The following YIPF7 variants were observed in gnomAD, a reference collection of about 807,000 sequenced individuals.
The protein encoded by YIPF7 is protein YIPF7.
Under a neutral mutation model 27.2 loss-of-function variants are expected in YIPF7, and 35 were observed. That is an observed-to-expected ratio of 1.29 (90% CI 0.98 to 1.70). The LOEUF (loss-of-function observed/expected upper bound fraction) is 1.70, where lower values mean the gene tolerates loss of function less well. YIPF7 is among the 40% of genes most tolerant of loss of function. The pLI is 0.00. For synonymous variants in YIPF7, 137 were observed against 110.4 expected, an observed-to-expected ratio of 1.24 and a Z score of -1.51; for missense variants, 358 against 303.7, an observed-to-expected ratio of 1.18 and a Z score of -1.33.
At chr4:44,655,685 GAGA>G (rs1239704562), upstream of YIPF7, among the ~76,000 whole-genome samples, 1 of 152,022 alleles carries the variant, frequency 6.6e-6, no homozygotes, top group Non-Finnish European at 1.5e-5. Context: ...CATTAATTCA[GAGA>G]AGAATAGAAC....
upstream of YIPF7, among the ~76,000 whole-genome samples, chr4:44,654,787 T>C (rs1048015747): frequency 1.2e-4 from 19 of 152,010 alleles, no homozygotes; most frequent in Admixed American, 1.2e-3. Context: ...TAAATATATC[T>C]CTCACTAACC....
At chr4:44,627,478 C>T (rs780107301) in intron 4 of YIPF7, among the ~76,000 whole-genome samples, 18 of 152,022 alleles carry the variant, frequency 1.2e-4, no homozygotes, top group African/African-American at 4.1e-4. Context: ...CTGTGTCAGC[C>T]GGTAAAATCA....
intron 4 of YIPF7, among the ~76,000 whole-genome samples, chr4:44,626,795 T>A (rs11735925): frequency 0.37 from 44,121 of 120,266 alleles, 9,181 homozygotes; most frequent in East Asian, 0.52. Flanking sequence ...TTTTTTTTTG[T>A]GATGGAGTCT....
In YIPF7 at chr4:44,629,538, G is replaced by A; in HGVS notation, c.291C>T (p.Ile97=). 1 of 1,533,388 alleles carries A rather than the reference G, an allele frequency of 6.5e-7. No individual in the cohort carries two copies. The highest frequency in any genetic ancestry group is 8.8e-7 in the Non-Finnish European group (1 of 1,141,298). 95.0% of individuals were successfully genotyped at this position (1,533,388 alleles called of 1,614,324 possible). A position where few individuals can be genotyped will look rare whatever the true frequency, so the allele number is the denominator to read the frequency against. The change falls in exon 4 of 6, where the codon ATC becomes ATT. Residue 97 remains isoleucine, a synonymous_variant. Coordinates refer to ENST00000415895, the MANE Select transcript of YIPF7 (RefSeq NM_182592.3). Reference sequence around the variant, plus strand: ...TTTTTTGCCATATGTGATCAAAATGGATTCCAAGTTCTGTAAAAAGGAAAA... The same window carrying A: ...TTTTTTGCCATATGTGATCAAAATGAATTCCAAGTTCTGTAAAAAGGAAAA... ...EEPPLLEELG[I]HFDHIWQKTL... is the part of the protein sequence containing the mutation.
At chr4:44,655,602 G>C (rs1340977124), upstream of YIPF7, among the ~76,000 whole-genome samples, 2 of 151,894 alleles carry the variant, frequency 1.3e-5, no homozygotes, top group African/African-American at 2.4e-5. Flanking sequence ...AGAGAAACAG[G>C]TTGTTTGTTA....
intron 1 of YIPF7, among the ~76,000 whole-genome samples, chr4:44,660,886 T>C (rs1252065489): frequency 1.3e-5 from 2 of 152,186 alleles, no homozygotes; most frequent in African/African-American, 4.8e-5. Flanking sequence ...ACTTATTTTA[T>C]GTAGTACCAA....
upstream of YIPF7, among the ~76,000 whole-genome samples, chr4:44,654,092 T>A (rs1298075697): frequency 6.6e-6 from 1 of 152,056 alleles, no homozygotes; most frequent in African/African-American, 2.4e-5. Flanking sequence ...CAAAATGACT[T>A]CAGCCTCTTT....
chr4:44,643,210 AG>A (rs1713398294), intron 2 of YIPF7, among the ~76,000 whole-genome samples: 1 of 152,180 alleles, frequency 6.6e-6, no homozygotes, highest in African/African-American at 2.4e-5. Context: ...CTGGAGTAAA[AG>A]TCACTTTTTC....
Position 44,643,949 on chromosome 4 carries a change from G to A in YIPF7, c.116+6036C>T, listed in dbSNP as rs541321262. Reference sequence around the variant, plus strand: ...CTCATGGAACACCTCTACTAGGGAAGTGTGGAATGAAAAAGAGGGGTTGAA... The same window carrying A: ...CTCATGGAACACCTCTACTAGGGAAATGTGGAATGAAAAAGAGGGGTTGAA... On this transcript the variant is annotated intron_variant, in intron 2 of 5. Coordinates refer to ENST00000415895, the MANE Select transcript of YIPF7 (RefSeq NM_182592.3). Among the ~76,000 whole-genome samples, 26 of 152,262 alleles carry A rather than the reference G, an allele frequency of 1.7e-4. No homozygotes were observed. The East Asian group carries it at 4.7e-3, about 27-fold the overall frequency.
intron 3 of YIPF7, 101 bp downstream of exon 3, chr4:44,635,821 A>G (rs1713094378): frequency 2.3e-6 from 3 of 1,322,356 alleles, no homozygotes; most frequent in Non-Finnish European, 2.0e-6. Context: ...ACAATCAAAC[A>G]TAAGACACTG....
At position 44,629,409 on chromosome 4, in the gene YIPF7, C is replaced by A. The variant is rs547814286; in HGVS notation, c.420G>T (p.Leu140Phe). The A allele has an allele frequency of 1.3e-6, 2 of 1,587,618 alleles. No homozygotes were observed. Among genetic ancestry groups the A allele is most frequent in the Non-Finnish European group, 1.7e-6 (2 of 1,168,284 alleles). Residue 140 changes from leucine to phenylalanine, a missense_variant, in exon 4 of 6, where the codon TTG becomes TTT. Leu to Phe is a conservative substitution (Grantham distance 22). Coordinates refer to ENST00000415895, the MANE Select transcript of YIPF7 (RefSeq NM_182592.3). ...GCTTCCTGTGACACATTACCAGAAG[C>A]AAGGTGGCTCCCAGGGCTACGCAAA... ...ILFCVALGAT[L>F]LLAGKVQFGY...
chr4:44,658,881 T>G (rs1302693475), intron 2 of YIPF7, among the ~76,000 whole-genome samples: 2 of 152,160 alleles, frequency 1.3e-5, no homozygotes, highest in African/African-American at 4.8e-5. Flanking sequence ...TCGATTATCT[T>G]CAATCATCAC....
intron 1 of YIPF7, among the ~76,000 whole-genome samples, chr4:44,661,814 G>A (rs1714047675): frequency 1.3e-5 from 2 of 152,146 alleles, no homozygotes; most frequent in Non-Finnish European, 2.9e-5. Context: ...AGATTAACAG[G>A]AATATTACTT....
intron 1 of YIPF7, among the ~76,000 whole-genome samples, chr4:44,650,507 GCACACA>G (rs3040316): frequency 1.5e-5 from 2 of 137,084 alleles, no homozygotes; most frequent in Non-Finnish European, 3.2e-5. Flanking sequence ...GCGCGCGCGC[GCACACA>G]CACACACACA....
intron 2 of YIPF7, among the ~76,000 whole-genome samples, chr4:44,639,193 G>C (rs1057460628): frequency 7.4e-4 from 113 of 152,114 alleles, no homozygotes; most frequent in African/African-American, 2.6e-3. Flanking sequence ...CCTTCTGTAT[G>C]AATTTTAGGA....
At chr4:44,632,045 T>A (rs116627718) in intron 3 of YIPF7, among the ~76,000 whole-genome samples, 2,077 of 152,274 alleles carry the variant, frequency 0.014, 24 homozygotes, top group Middle Eastern at 0.031. Context: ...TAACTCCTGC[T>A]CATATTTTAA....
intron 2 of YIPF7, among the ~76,000 whole-genome samples, chr4:44,642,480 A>T (rs1560327736): frequency 1.3e-5 from 2 of 151,934 alleles, no homozygotes; most frequent in South Asian, 4.1e-4. Context: ...TCATCTCAAT[A>T]AAAAAAAGCA....
At chr4:44,624,327 G>T (rs1242715971) in intron 5 of YIPF7, among the ~76,000 whole-genome samples, 2 of 152,056 alleles carry the variant, frequency 1.3e-5, no homozygotes, top group Non-Finnish European at 2.9e-5. Context: ...GCCTCCCAAA[G>T]TGCTGGGATT....
intron 2 of YIPF7, among the ~76,000 whole-genome samples, chr4:44,647,992 T>C (rs1043620241): frequency 2.6e-5 from 4 of 152,166 alleles, no homozygotes; most frequent in African/African-American, 9.7e-5. Context: ...ATCCCAACAT[T>C]ATTATAATAG....
Sources: gnomAD v4.1 joint callset for allele counts (sites outside exome capture counted in the v4.1 genomes callset) on GRCh38, gnomAD v4.1.1 for gene constraint, MANE v1.5 for transcripts, NCBI Gene and HGNC (gene_info 2026-07-23, HGNC 2026-07-21) for gene names.